Variants in RBM25 observed in about 807,000 individuals in gnomAD.
RBM25 encodes RNA-binding protein 25.
RBM25 carries 19 observed loss-of-function variants against 120.7 expected under a neutral mutation model. The observed-to-expected ratio is 0.16, with a 90% CI of 0.11 to 0.23. The LOEUF (loss-of-function observed/expected upper bound fraction) is 0.23, where lower values mean the gene tolerates loss of function less well. Ranked by LOEUF, RBM25 falls within the 10% of genes least tolerant of loss-of-function variation. The pLI is 1.00. For missense variants in RBM25, 605 were observed against 1,041.5 expected, an observed-to-expected ratio of 0.58 and a Z score of 5.77; for synonymous variants, 390 against 326.7, an observed-to-expected ratio of 1.19 and a Z score of -2.09.
intron 9 of RBM25, chr14:73,102,329 ATT>A (rs1347403213): frequency 6.6e-6 from 1 of 152,094 alleles, no homozygotes; most frequent in Admixed American, 6.6e-5. Context: ...TATTTGGTTT[ATT>A]TGTGAACCAT....
chr14:73,088,193 C>T, intron 6 of RBM25, 32 bp downstream of exon 6: 1 of 1,610,442 alleles, frequency 6.2e-7, no homozygotes, highest in Non-Finnish European at 8.5e-7. Context: ...CTTTTCTAGG[C>T]CAGACTGTGC....
At chr14:73,083,416 A>G in intron 4 of RBM25, 78 bp from the exon 5 acceptor site, 3 of 1,153,108 alleles carry the variant, frequency 2.6e-6, no homozygotes, top group Non-Finnish European at 3.6e-6. Flanking sequence ...CCTAGTAGAA[A>G]TATAATTTTG....
intron 14 of RBM25, 99 bp from the exon 15 acceptor site, chr14:73,110,732 T>A: frequency 6.9e-7 from 1 of 1,439,698 alleles, no homozygotes; most frequent in Non-Finnish European, 9.3e-7. Flanking sequence ...CCTGGCCTTT[T>A]CTCTTTTCAT....
intron 16 of RBM25, among the ~76,000 whole-genome samples, 154 bp from the exon 17 acceptor site, chr14:73,111,996 TTA>T (rs1896319227): frequency 1.3e-5 from 2 of 152,238 alleles, no homozygotes; most frequent in Non-Finnish European, 2.9e-5. Context: ...ACTTGAAGAC[TTA>T]CTAAAAGCAG....
At chr14:73,100,562 G>T in intron 9 of RBM25, 1 of 380,194 alleles carries the variant, frequency 2.6e-6, no homozygotes, top group Non-Finnish European at 4.7e-6. Flanking sequence ...ACGGTGCAAT[G>T]CAAACACTGC....
At chr14:73,095,620 G>T (rs945311789) in intron 6 of RBM25, among the ~76,000 whole-genome samples, 1 of 148,424 alleles carries the variant, frequency 6.7e-6, no homozygotes, top group African/African-American at 2.5e-5. Flanking sequence ...AAAAAAAAAA[G>T]AATTTGTTGA....
At chr14:73,059,210 T>A (rs529008085) in intron 1 of RBM25, 16 of 152,392 alleles carry the variant, frequency 1.0e-4, no homozygotes, top group Admixed American at 3.9e-4. Context: ...CCTTCCTCTT[T>A]GGCCATCTAG....
In RBM25 at chr14:73,081,688, C is replaced by CT. The variant is rs546203630; in HGVS notation, c.325-1801dup. Among the ~76,000 whole-genome samples, 12 of 152,180 alleles carry CT rather than the reference C, an allele frequency of 7.9e-5. No individual in the cohort carries two copies. In the East Asian group the frequency reaches 2.1e-3, roughly 27 times the overall value. ...CTTTTCTGAATCTAAATCTGAAGTG[C>CT]TTTTTATTTCATGTGGTCAGTAGTT... On this transcript the variant is annotated intron_variant, in intron 4 of 18. Coordinates refer to ENST00000261973, the MANE Select transcript of RBM25 (RefSeq NM_021239.3).
At chr14:73,067,113 A>T (rs2140422889) in intron 1 of RBM25, among the ~76,000 whole-genome samples, 1 of 137,626 alleles carries the variant, frequency 7.3e-6, no homozygotes, top group South Asian at 2.2e-4. Context: ...TCTGTCGCCC[A>T]GGCTGACGTG....
chr14:73,072,950 G>A (rs939786153), intron 2 of RBM25, among the ~76,000 whole-genome samples: 17 of 151,854 alleles, frequency 1.1e-4, no homozygotes, highest in African/African-American at 3.9e-4. Context: ...TGTTTTGGGC[G>A]AGGCCTCACT....
At chr14:73,072,433 T>C (rs1374284265) in intron 2 of RBM25, among the ~76,000 whole-genome samples, 1 of 152,228 alleles carries the variant, frequency 6.6e-6, no homozygotes, top group Non-Finnish European at 1.5e-5. Context: ...ATTAGTTTTT[T>C]CTTGATTTTT....
At chr14:73,063,385 G>A (rs1282860021) in intron 1 of RBM25, among the ~76,000 whole-genome samples, 3 of 151,202 alleles carry the variant, frequency 2.0e-5, no homozygotes, top group Admixed American at 1.3e-4. Context: ...TCCTGACTTC[G>A]TGATCCACCC....
At chr14:73,111,182 A>C (rs1197097386) in intron 15 of RBM25, 27 bp downstream of exon 15, 1 of 1,551,518 alleles carries the variant, frequency 6.4e-7, no homozygotes, top group East Asian at 2.2e-5. Context: ...TTCCTTCTTT[A>C]TTTTCTTCCC....
At position 73,107,916 on chromosome 14, in the gene RBM25, CTG is replaced by C; in HGVS notation, c.1541+20_1541+21del. ...ATATTACAGGTAAAGAAGGCTTGTT[CTG>C]TGGATTCATACTTGGTTTTTTATTA... On this transcript the variant is annotated intron_variant, in intron 13 of 18. Coordinates refer to ENST00000261973, the MANE Select transcript of RBM25 (RefSeq NM_021239.3). 1.3e-6 allele frequency: 2 copies of C among 1,534,714 alleles called. No individual in the cohort carries two copies. The highest frequency in any genetic ancestry group is 8.9e-7 in the Non-Finnish European group (1 of 1,121,880).
chr14:73,069,702 G>A (rs963858088), intron 1 of RBM25, among the ~76,000 whole-genome samples: 15 of 122,748 alleles, frequency 1.2e-4, no homozygotes, highest in Non-Finnish European at 2.0e-4. Flanking sequence ...CAAAAGTGTT[G>A]GGATTACAGG....
At chr14:73,107,345 T>C (rs1896211845) in intron 12 of RBM25, 1 of 154,152 alleles carries the variant, frequency 6.5e-6, no homozygotes, top group African/African-American at 2.4e-5. Flanking sequence ...ATATGGAGTA[T>C]ATGAAAACTA....
Position 73,111,549 on chromosome 14 carries a change from A to T in RBM25, c.2039A>T (p.Gln680Leu). 1 of 1,607,364 alleles carries T rather than the reference A, an allele frequency of 6.2e-7. No homozygotes were observed. Among genetic ancestry groups the T allele is most frequent in the Non-Finnish European group, 8.5e-7 (1 of 1,177,812 alleles). Reference protein sequence around the residue: ...LKLGASNSPGQPNSVKRKKLP... With the variant: ...LKLGASNSPGLPNSVKRKKLP... ...GTAGGTGCTTCCAATAGTCCTGGTCAGCCTAATTCTGTGAAGAGAAAGAAA... is the reference window on the plus strand; with the variant it reads ...GTAGGTGCTTCCAATAGTCCTGGTCTGCCTAATTCTGTGAAGAGAAAGAAA... Residue 680 changes from glutamine to leucine, a missense_variant, in exon 16 of 19, where the codon CAG (glutamine) becomes CTG (leucine). By Grantham distance (113) the Gln-to-Leu change is moderately radical. Coordinates refer to ENST00000261973, the MANE Select transcript of RBM25 (RefSeq NM_021239.3).
rs1895553224 is a variant in RBM25 at position 73,081,133 on chromosome 14, T to C, written c.325-2361T>C. 2.0e-5 allele frequency among the ~76,000 whole-genome samples: 3 copies of C among 151,718 alleles called. 1 individual carries two copies. The South Asian group carries it at 6.3e-4, about 32-fold the overall frequency. On this transcript the variant is annotated intron_variant, in intron 4 of 18. Coordinates refer to ENST00000261973, the MANE Select transcript of RBM25 (RefSeq NM_021239.3). ...AGCCACTGCCTAGTCCATTTTCTTA[T>C]TTTAATTTTTTATTTTTTATCTTTG...
chr14:73,105,829 C>T (rs753560266), intron 10 of RBM25, 30 bp from the exon 11 acceptor site: 4 of 1,594,864 alleles, frequency 2.5e-6, no homozygotes, highest in Non-Finnish European at 3.4e-6. Flanking sequence ...AGTAGACTGA[C>T]AGATTTGTAA....
Sources: allele counts gnomAD v4.1 joint callset (sites outside exome capture counted in the v4.1 genomes callset), GRCh38; gene constraint gnomAD v4.1.1; transcripts MANE v1.5; gene names NCBI Gene and HGNC (gene_info 2026-07-23, HGNC 2026-07-21).